CCNK: variants seen among roughly 807,000 people sequenced by gnomAD.
CCNK encodes cyclin K.
CCNK carries 9 observed loss-of-function variants against 65.0 expected under a neutral mutation model. The ratio of observed to expected loss-of-function variants is 0.14; its 90% CI spans 0.08 to 0.24. The LOEUF is 0.24. Among genes scored for constraint, CCNK ranks in the 10% least tolerant of loss-of-function variants. The pLI is 1.00. For synonymous variants in CCNK, 279 were observed against 270.8 expected, an observed-to-expected ratio of 1.03 and a Z score of -0.30; for missense variants, 474 against 720.0, an observed-to-expected ratio of 0.66 and a Z score of 3.91.
rs1333001178 is a variant in CCNK at position 99,511,139 on chromosome 14, T to C, written c.*357T>C. 2.3e-5 allele frequency: 4 copies of C among 172,220 alleles called. No homozygotes were observed. The highest frequency in any genetic ancestry group is 9.5e-5 in the African/African-American group (4 of 42,306). The allele number at this position is 172,220 out of a possible 1,614,324, so 10.7% of individuals were successfully genotyped here. A position where few individuals can be genotyped will look rare whatever the true frequency, so the allele number is the denominator to read the frequency against. On this transcript the variant is annotated 3_prime_UTR_variant, in exon 11 of 11. Coordinates refer to ENST00000389879, the MANE Select transcript of CCNK (RefSeq NM_001099402.2). ...TAATTTCCTTCTAGAAATCAGTGCC[T>C]ATTTTTCCTGGAAACTCAATTTTAA...
At chr14:99,483,609 G>A (rs1382569050) in intron 1 of CCNK, among the ~76,000 whole-genome samples, 2 of 152,236 alleles carry the variant, frequency 1.3e-5, no homozygotes, top group East Asian at 3.8e-4. Flanking sequence ...TAGACTGGTG[G>A]TGATTGGGGA....
intron 5 of CCNK, 22 bp from the exon 6 acceptor site, chr14:99,501,334 A>G: frequency 6.5e-7 from 1 of 1,532,994 alleles, no homozygotes; most frequent in South Asian, 1.1e-5. Flanking sequence ...CTATTAATTT[A>G]CCTTTTTGTC....
Position 99,492,258 on chromosome 14 carries a change from A to T in CCNK, c.-52-368A>T, listed in dbSNP as rs538043372. ...ATTAAGACAGGCCCAGGTTTTGCTG[A>T]AGAATGGAATCTGGACCAGCGTTAG... On this transcript the variant is annotated intron_variant, in intron 1 of 10. Transcript: ENST00000389879. 42 of 158,858 alleles carry T rather than the reference A, an allele frequency of 2.6e-4. No individual in the cohort carries two copies. In the South Asian group the frequency reaches 4.6e-3, roughly 17 times the overall value. The allele number at this position is 158,858 out of a possible 1,614,324, so 9.8% of individuals were successfully genotyped here.
At chr14:99,492,522 G>T in intron 1 of CCNK, 104 bp from the exon 2 acceptor site, 1 of 634,570 alleles carries the variant, frequency 1.6e-6, no homozygotes, top group Non-Finnish European at 2.6e-6. Flanking sequence ...TGACAGTGTG[G>T]TTTCTATAGG....
Position 99,511,414 on chromosome 14 carries a change from A to G in CCNK, c.*632A>G, listed in dbSNP as rs1485977655. The G allele has an allele frequency of 6.6e-6, 1 of 152,424 alleles. No homozygotes were observed. Among genetic ancestry groups the G allele is most frequent in the African/African-American group, 2.4e-5 (1 of 41,446 alleles). The allele number at this position is 152,424 out of a possible 1,614,324, so 9.4% of individuals were successfully genotyped here. ...TTTGCAAATTCCTGTACATAGAGAT[A>G]TATTTTTTAAGTGTGAATGTAACAA... On this transcript the variant is annotated 3_prime_UTR_variant, in exon 11 of 11. Coordinates refer to ENST00000389879, the MANE Select transcript of CCNK (RefSeq NM_001099402.2).
At chr14:99,491,054 T>G (rs1224795594) in intron 1 of CCNK, among the ~76,000 whole-genome samples, 1 of 152,222 alleles carries the variant, frequency 6.6e-6, no homozygotes, top group Non-Finnish European at 1.5e-5. Flanking sequence ...TTAACGATGT[T>G]TCTCATTCTT....
chr14:99,495,469 A>G, intron 3 of CCNK, 29 bp from the exon 4 acceptor site: 4 of 1,591,664 alleles, frequency 2.5e-6, no homozygotes, highest in Non-Finnish European at 3.4e-6. Flanking sequence ...TTTGATAACA[A>G]AAATCAAGAA....
chr14:99,497,348 A>T (rs1896724637), intron 4 of CCNK, among the ~76,000 whole-genome samples: 1 of 152,238 alleles, frequency 6.6e-6, no homozygotes, highest in African/African-American at 2.4e-5. Flanking sequence ...TATAGGATGT[A>T]GCTTTTTCAG....
chr14:99,490,961 T>C (rs1896585493), intron 1 of CCNK, among the ~76,000 whole-genome samples: 1 of 151,988 alleles, frequency 6.6e-6, no homozygotes, highest in African/African-American at 2.4e-5. Context: ...GTCTGTTTTT[T>C]CCCCTCCTTT....
At chr14:99,508,799 G>C (rs993917233) in intron 10 of CCNK, 60 of 152,660 alleles carry the variant, frequency 3.9e-4, no homozygotes, top group African/African-American at 1.4e-3. Flanking sequence ...ACAGGGTCGA[G>C]TGTTGGAAAA....
At chr14:99,500,490 T>C (rs1222930510) in intron 4 of CCNK, 8 of 328,814 alleles carry the variant, frequency 2.4e-5, no homozygotes, top group Admixed American at 4.7e-5. Context: ...GGGAGACTCA[T>C]GTATGTATTG....
intron 1 of CCNK, among the ~76,000 whole-genome samples, chr14:99,485,723 G>A (rs987490434): frequency 6.6e-6 from 1 of 152,118 alleles, no homozygotes. Context: ...AGCCAGGCAC[G>A]GTGGCTTATG....
At chr14:99,500,975 TG>T in intron 5 of CCNK, 104 bp downstream of exon 5, 1 of 732,892 alleles carries the variant, frequency 1.4e-6, no homozygotes, top group Non-Finnish European at 2.3e-6. Context: ...CAAAGTTTGA[TG>T]TGTGAAATAC....
At chr14:99,497,053 AAAGTG>A (rs1896718540) in intron 4 of CCNK, among the ~76,000 whole-genome samples, 1 of 140,092 alleles carries the variant, frequency 7.1e-6, no homozygotes, top group Non-Finnish European at 1.5e-5. Context: ...CCCCCCGACC[AAAGTG>A]GTACATTTGC....
chr14:99,490,486 C>T (rs1896574891), intron 1 of CCNK, among the ~76,000 whole-genome samples: 1 of 152,064 alleles, frequency 6.6e-6, no homozygotes, highest in South Asian at 2.1e-4. Flanking sequence ...TGTAAACGTA[C>T]AATTAGTTTA....
chr14:99,494,170 G>A (rs1017843361), intron 3 of CCNK: 1 of 152,406 alleles, frequency 6.6e-6, no homozygotes. Flanking sequence ...AGCCTTAAAC[G>A]TACATAGGGC....
In CCNK at chr14:99,492,701, A is replaced by T. The variant is rs1194077276; in HGVS notation, c.24A>T (p.Ser8=). Reference sequence around the variant, plus strand: ...AAATGAAGGAGAATAAAGAAAATTCAAGCCCTTCAGTAACTTCAGCAAACC... The same window carrying T: ...AAATGAAGGAGAATAAAGAAAATTCTAGCCCTTCAGTAACTTCAGCAAACC... MKENKEN[S]SPSVTSANLD... The change falls in exon 2 of 11, where the codon TCA becomes TCT. Residue 8 remains serine (S), a synonymous_variant. Coordinates refer to ENST00000389879, the MANE Select transcript of CCNK (RefSeq NM_001099402.2). 9 of 1,608,066 alleles carry T rather than the reference A, an allele frequency of 5.6e-6. No homozygotes were observed. In the East Asian group the frequency reaches 2.0e-4, roughly 36 times the overall value.
In CCNK at chr14:99,495,362, T is replaced by C. The variant is rs576119859; in HGVS notation, c.280-136T>C. The C allele has an allele frequency of 2.3e-4, 137 of 587,010 alleles. No homozygotes were observed. The African/African-American group carries it at 2.4e-3, about 10-fold the overall frequency. The allele number at this position is 587,010 out of a possible 1,614,324, so 36.4% of individuals were successfully genotyped here. A position where few individuals can be genotyped will look rare whatever the true frequency, so the allele number is the denominator to read the frequency against. On this transcript the variant is annotated intron_variant, in intron 3 of 10. Transcript: ENST00000389879. ...AAATTTCCTTCAAGCTTCTAGAGTATCGGAGTATTTGTGAATGATAAAAAG... is the reference window on the plus strand; with the variant it reads ...AAATTTCCTTCAAGCTTCTAGAGTACCGGAGTATTTGTGAATGATAAAAAG...
intron 9 of CCNK, chr14:99,504,644 T>G (rs1434922526): frequency 6.6e-6 from 1 of 152,146 alleles, no homozygotes; most frequent in Admixed American, 6.6e-5. Context: ...GAGACAGGGT[T>G]TCTCCATGTT....
Sources: gnomAD v4.1 joint callset for allele counts (sites outside exome capture counted in the v4.1 genomes callset) on GRCh38, gnomAD v4.1.1 for gene constraint, MANE v1.5 for transcripts, NCBI Gene and HGNC (gene_info 2026-07-23, HGNC 2026-07-21) for gene names.